Variants in ANTXRL observed in about 807,000 individuals in gnomAD.
ANTXRL encodes anthrax toxin receptor-like.
Under a neutral mutation model 75.4 loss-of-function variants are expected in ANTXRL, and 63 were observed. The observed-to-expected ratio is 0.84, with a 90% CI of 0.68 to 1.03. The LOEUF is 1.03. Ranked by LOEUF, ANTXRL falls within the 50% of genes least tolerant of loss-of-function variation. ANTXRL has a pLI of 0.00. For synonymous variants in ANTXRL, 335 were observed against 291.3 expected, an observed-to-expected ratio of 1.15 and a Z score of -1.53; for missense variants, 797 against 789.4, an observed-to-expected ratio of 1.01 and a Z score of -0.12.
chr10:46,305,148 G>A (rs1422626484), intron 10 of ANTXRL, among the ~76,000 whole-genome samples: 2 of 152,110 alleles, frequency 1.3e-5, no homozygotes, highest in African/African-American at 2.4e-5. Context: ...CACTGAACAC[G>A]CCTCCCCTGC....
intron 1 of ANTXRL, among the ~76,000 whole-genome samples, chr10:46,289,045 C>A (rs1207893814): frequency 6.6e-6 from 1 of 152,298 alleles, no homozygotes; most frequent in Non-Finnish European, 1.5e-5. Context: ...ACTCCAAAGC[C>A]CATCCAAAGA....
intron 1 of ANTXRL, among the ~76,000 whole-genome samples, chr10:46,288,498 A>G (rs782068826): frequency 6.6e-6 from 1 of 151,960 alleles, no homozygotes; most frequent in Non-Finnish European, 1.5e-5. Flanking sequence ...TGGTTAGGGG[A>G]CGTGTACCCC....
rs1554960896 is a variant in ANTXRL, at chr10:46,302,821, G to A, written c.895+1G>A. ...ATCTTCAATGAAAGCACTATCATTG[G>A]TAAGTTGTCTCCTCTGTGCCTCTGA... On this transcript the variant is annotated splice_donor_variant, in intron 10 of 16. Coordinates refer to ENST00000620264, the MANE Select transcript of ANTXRL (RefSeq NM_001278688.3). LOFTEE classifies it high-confidence loss of function. The A allele has an allele frequency of 6.6e-7, 1 of 1,525,736 alleles. No homozygotes were observed. The highest frequency in any genetic ancestry group is 8.8e-7 in the Non-Finnish European group (1 of 1,137,720). The allele number at this position is 1,525,736 out of a possible 1,614,324, so 94.5% of individuals were successfully genotyped here.
chr10:46,306,577 T>C (rs1340640948), intron 10 of ANTXRL, among the ~76,000 whole-genome samples: 1 of 152,004 alleles, frequency 6.6e-6, no homozygotes, highest in Non-Finnish European at 1.5e-5. Context: ...TCCCTAAAGG[T>C]GAGTCCTTGA....
chr10:46,312,981 T>C (rs1181662203), intron 15 of ANTXRL, among the ~76,000 whole-genome samples: 1 of 152,186 alleles, frequency 6.6e-6, no homozygotes, highest in Non-Finnish European at 1.5e-5. Flanking sequence ...CTTTGGACTT[T>C]TTATCTGAAT....
chr10:46,290,357 C>G (rs1185333618), intron 1 of ANTXRL, among the ~76,000 whole-genome samples: 21 of 152,160 alleles, frequency 1.4e-4, no homozygotes, highest in African/African-American at 5.1e-4. Flanking sequence ...ATCTTTTCGT[C>G]TGTTGATGGA....
Position 46,310,485 on chromosome 10 carries a change from C to G in ANTXRL, c.1159C>G (p.Gln387Glu). 5.9e-6 allele frequency: 9 copies of G among 1,536,320 alleles called. No individual in the cohort carries two copies. Among genetic ancestry groups the G allele is most frequent in the Non-Finnish European group, 7.8e-6 (9 of 1,146,770 alleles). ...KQTVKEPPPV[Q>E]KPEKEPEQEK... is the part of the protein sequence containing the mutation. ...GACTGTCAAGGAGCCACCACCTGTGCAGAAGCCAGAAAAGGTAAGTTGCAG... is the reference window on the plus strand; with the variant it reads ...GACTGTCAAGGAGCCACCACCTGTGGAGAAGCCAGAAAAGGTAAGTTGCAG... The change falls in exon 14 of 17, where the codon CAG becomes GAG. Residue 387 changes from glutamine (Q) to glutamate (E), a missense_variant. By Grantham distance (29) the Gln-to-Glu change is conservative. Around this residue, in one of 3 missense-constraint regions of ANTXRL, gnomAD observed 479 missense variants for 422.0 expected, o/e 1.14. Transcript: ENST00000620264.
intron 9 of ANTXRL, among the ~76,000 whole-genome samples, chr10:46,301,695 C>T (rs1837754883): frequency 6.6e-6 from 1 of 152,142 alleles, no homozygotes; most frequent in Admixed American, 6.5e-5. Context: ...CTTTTAACTG[C>T]AGGCTCCCAT....
At chr10:46,310,251 C>G (rs2132810458) in intron 13 of ANTXRL, among the ~76,000 whole-genome samples, 1 of 152,242 alleles carries the variant, frequency 6.6e-6, no homozygotes, top group South Asian at 2.1e-4. Context: ...AGCGGCGGTA[C>G]AGGGGTTCCC....
intron 13 of ANTXRL, 69 bp from the exon 14 acceptor site, chr10:46,310,392 G>C: frequency 1.4e-6 from 2 of 1,431,032 alleles, no homozygotes; most frequent in Non-Finnish European, 9.5e-7. Flanking sequence ...GGTCCCAGCT[G>C]TGTGCAGGGC....
intron 10 of ANTXRL, among the ~76,000 whole-genome samples, chr10:46,306,080 C>T (rs1316029044): frequency 1.3e-5 from 2 of 152,178 alleles, no homozygotes; most frequent in South Asian, 4.1e-4. Context: ...TCTTTCCCTC[C>T]TTGACAAGGT....
At chr10:46,312,520 G>C (rs1838488687) in intron 15 of ANTXRL, among the ~76,000 whole-genome samples, 1 of 147,208 alleles carries the variant, frequency 6.8e-6, no homozygotes, top group Admixed American at 6.8e-5. Context: ...TCTGTGGTCG[G>C]ATCTCTTGCT....
At chr10:46,325,263 C>T (rs1218438984) in intron 16 of ANTXRL, among the ~76,000 whole-genome samples, 1 of 152,114 alleles carries the variant, frequency 6.6e-6, no homozygotes, top group African/African-American at 2.4e-5. Context: ...TGGTGGTAGA[C>T]TGAGACAAAA....
rs1240802100 is a variant in ANTXRL at position 46,312,949 on chromosome 10, C to T, written c.1330-287C>T. Among the ~76,000 whole-genome samples, 27 of 152,318 alleles carry T rather than the reference C, an allele frequency of 1.8e-4. No homozygotes were observed. The South Asian group carries it at 2.7e-3, about 15-fold the overall frequency. On this transcript the variant is annotated intron_variant, in intron 15 of 16. Transcript: ENST00000620264. ...CATGCTCCCCTTCAGGACCTCTGCT[C>T]AGAACCACAGGCTCCTCCTGTCTTT...
intron 10 of ANTXRL, among the ~76,000 whole-genome samples, chr10:46,303,071 C>G (rs1386170567): frequency 6.6e-6 from 1 of 152,174 alleles, no homozygotes; most frequent in Non-Finnish European, 1.5e-5. Context: ...CTCAGTGAGG[C>G]TGGGTTTAGG....
chr10:46,313,102 T>C, intron 15 of ANTXRL, 134 bp from the exon 16 acceptor site: 2 of 793,076 alleles, frequency 2.5e-6, no homozygotes, highest in Non-Finnish European at 4.1e-6. Flanking sequence ...GCCAGGCCCC[T>C]CCCCCAGAGG....
intron 10 of ANTXRL, among the ~76,000 whole-genome samples, chr10:46,306,138 C>G (rs1485223571): frequency 6.6e-6 from 1 of 152,206 alleles, no homozygotes; most frequent in African/African-American, 2.4e-5. Flanking sequence ...CTCTCAGCCC[C>G]AAGCACCTTT....
chr10:46,297,723 C>A, intron 7 of ANTXRL, 108 bp from the exon 8 acceptor site: 2 of 1,052,556 alleles, frequency 1.9e-6, no homozygotes, highest in Non-Finnish European at 2.8e-6. Context: ...CAGAGCCTGA[C>A]ATTCTGCTGC....
In ANTXRL at chr10:46,309,153, T is replaced by C. The variant is rs1838274638; in HGVS notation, c.1085T>C (p.Leu362Pro). The C allele has an allele frequency of 6.5e-7, 1 of 1,535,768 alleles. No individual in the cohort carries two copies. Among genetic ancestry groups the C allele is most frequent in the South Asian group, 1.2e-5 (1 of 84,048 alleles). ...TGGCTCTATTTTGTGCCACTCCTGC[T>C]GCTTGTGCCACTGCTGCTGTGTTGT... ...RNWLYFVPLL[L>P]LVPLLLCCVW... The change falls in exon 13 of 17, where the codon CTG (leucine) becomes CCG (proline). Residue 362 changes from leucine (L) to proline (P), a missense_variant. Physicochemically the swap from Leu to Pro is moderately conservative, Grantham distance 98 (BLOSUM62 -3). Around this residue, in one of 3 missense-constraint regions of ANTXRL, gnomAD observed 479 missense variants for 422.0 expected, o/e 1.14. Transcript: ENST00000620264.
Sources: gnomAD v4.1 joint callset for allele counts (sites outside exome capture counted in the v4.1 genomes callset) on GRCh38, gnomAD v4.1.1 for gene constraint, gnomAD v4.1.1 regional missense constraint, MANE v1.5 for transcripts, NCBI Gene and HGNC (gene_info 2026-07-23, HGNC 2026-07-21) for gene names.